PAPPA: variants seen among roughly 807,000 people sequenced by gnomAD.
PAPPA encodes the protein pappalysin 1, also known as pappalysin-1.
In PAPPA, 60 loss-of-function variants were observed where a neutral mutation model predicts 164.0. The ratio of observed to expected loss-of-function variants is 0.37; its 90% CI spans 0.30 to 0.45. The LOEUF (loss-of-function observed/expected upper bound fraction) is 0.45. Ranked by LOEUF, PAPPA falls within the 20% of genes least tolerant of loss-of-function variation. PAPPA has a pLI of 1.00. For synonymous variants in PAPPA, 875 were observed against 814.1 expected (o/e 1.07, Z -1.27); for missense variants, 1,782 against 2,087.3 (o/e 0.85, Z 2.85).
intron 21 of PAPPA, among the ~76,000 whole-genome samples, chr9:116,383,147 A>C (rs367727835): frequency 9.8e-5 from 15 of 152,302 alleles, no homozygotes; most frequent in African/African-American, 3.4e-4. Flanking sequence ...CATTCGATAG[A>C]TGCACATTAA....
At chr9:116,350,037 C>A (rs1362081676) in intron 15 of PAPPA, among the ~76,000 whole-genome samples, 2 of 152,164 alleles carry the variant, frequency 1.3e-5, no homozygotes, top group East Asian at 1.9e-4. Flanking sequence ...GGAGAACATG[C>A]CTCCGAGTTA....
chr9:116,229,393 C>A (rs896799480), intron 6 of PAPPA, among the ~76,000 whole-genome samples: 3 of 152,202 alleles, frequency 2.0e-5, no homozygotes, highest in African/African-American at 7.2e-5. Context: ...AGACACATGA[C>A]ATGTGATGTC....
chr9:116,401,279 G>A lies in PAPPA; in HGVS notation c.*4663G>A. 6.6e-6 allele frequency: 1 copy of A among 152,458 alleles called. No individual in the cohort carries two copies. The highest frequency in any genetic ancestry group is 1.9e-4 in the East Asian group (1 of 5,192). The allele number at this position is 152,458 out of a possible 1,614,324, so 9.4% of individuals were successfully genotyped here. On this transcript the variant is annotated 3_prime_UTR_variant, in exon 22 of 22. Transcript: ENST00000328252. ...AACTGTCGTCTACTTAAGACTTCTG[G>A]TCATTTCCAACTTATAGAGGAAGGG...
chr9:116,235,342 G>A lies in PAPPA; in HGVS notation c.2437G>A (p.Val813Ile). ...CACTGACTGGGACTCTAGTGGAGCT[G>A]TCAATGACATCAAACTGTTGGCTGT... ...VSTDWDSSGAVNDIKLLAVSG... is the reference protein window; with the variant it reads ...VSTDWDSSGAINDIKLLAVSG... Residue 813 changes from valine (V) to isoleucine (I), a missense_variant, in exon 7 of 22, where the codon GTC (valine) becomes ATC (isoleucine). Around this residue, in one of 2 missense-constraint regions of PAPPA, gnomAD observed 1,324 missense variants for 1,656.9 expected, o/e 0.80. Transcript: ENST00000328252. 6.2e-7 allele frequency: 1 copy of A among 1,614,060 alleles called. No individual in the cohort carries two copies. The highest frequency in any genetic ancestry group is 8.5e-7 in the Non-Finnish European group (1 of 1,179,968).
chr9:116,335,980 GAATT>G (rs1411809077), intron 13 of PAPPA, among the ~76,000 whole-genome samples: 7 of 152,162 alleles, frequency 4.6e-5, no homozygotes, highest in Non-Finnish European at 1.0e-4. Flanking sequence ...TCTGTGCACA[GAATT>G]TTTTGTAAAG....
At chr9:116,181,540 A>G (rs1843905168) in intron 1 of PAPPA, among the ~76,000 whole-genome samples, 1 of 152,252 alleles carries the variant, frequency 6.6e-6, no homozygotes, top group African/African-American at 2.4e-5. Flanking sequence ...CTCCAAATAC[A>G]GTTAAATTCC....
chr9:116,168,169 C>T (rs898316103), intron 1 of PAPPA, among the ~76,000 whole-genome samples: 2 of 152,098 alleles, frequency 1.3e-5, no homozygotes, highest in African/African-American at 4.8e-5. Context: ...AATCTGCTGT[C>T]CTAGACATTC....
chr9:116,201,500 G>A (rs529108571), intron 2 of PAPPA, among the ~76,000 whole-genome samples: 1 of 152,282 alleles, frequency 6.6e-6, no homozygotes, highest in Non-Finnish European at 1.5e-5. Flanking sequence ...TTGGCTGGTG[G>A]AGCGGGAACC....
chr9:116,173,716 A>G (rs1843799495), intron 1 of PAPPA, among the ~76,000 whole-genome samples: 1 of 152,168 alleles, frequency 6.6e-6, no homozygotes, highest in Admixed American at 6.5e-5. Context: ...TGTGCTAGAA[A>G]GTCTTTGACC....
chr9:116,258,525 G>A (rs537492438), intron 7 of PAPPA, among the ~76,000 whole-genome samples: 31 of 151,702 alleles, frequency 2.0e-4, no homozygotes, highest in Admixed American at 1.5e-3. Context: ...GCGTGGTGGC[G>A]CATGCCTGTA....
chr9:116,366,500 C>T (rs113411427), intron 18 of PAPPA, among the ~76,000 whole-genome samples: 2,937 of 152,266 alleles, frequency 0.019, 42 homozygotes, highest in Admixed American at 0.03. Context: ...TTCCTTCATA[C>T]GACACCTAAA....
At position 116,204,099 on chromosome 9, in the gene PAPPA, G is replaced by A. The variant is rs138853803; in HGVS notation, c.1479-3357G>A. Among the ~76,000 whole-genome samples, 101 of 152,260 alleles carry A rather than the reference G, an allele frequency of 6.6e-4. 1 individual carries two copies. Among genetic ancestry groups the A allele is most frequent in the African/African-American group, 2.2e-3 (93 of 41,574 alleles). ...GGATATGGGGGGCTCACATTTTCTAGTTATGTGCTGGGACTGTGCTGAGCT... is the reference window on the plus strand; with the variant it reads ...GGATATGGGGGGCTCACATTTTCTAATTATGTGCTGGGACTGTGCTGAGCT... On this transcript the variant is annotated intron_variant, in intron 2 of 21. Coordinates refer to ENST00000328252, the MANE Select transcript of PAPPA (RefSeq NM_002581.5).
intron 9 of PAPPA, among the ~76,000 whole-genome samples, chr9:116,283,660 C>T (rs1381546760): frequency 6.6e-6 from 1 of 152,156 alleles, no homozygotes; most frequent in Non-Finnish European, 1.5e-5. Flanking sequence ...CAGTCAGAAA[C>T]CCAGCCCAAA....
At chr9:116,193,924 A>G (rs1844073563) in intron 2 of PAPPA, among the ~76,000 whole-genome samples, 1 of 152,234 alleles carries the variant, frequency 6.6e-6, no homozygotes. Context: ...GAAAGGTTTA[A>G]TGATGGAGAA....
rs142290213 is a variant in PAPPA at position 116,333,236 on chromosome 9, C to T, written c.3397+768C>T. ...GAGCAATCTTCCTGTCCTCACAGCA[C>T]ATCACTTAGAGGCTCACTTGCTTCA... On this transcript the variant is annotated intron_variant, in intron 12 of 21. Transcript: ENST00000328252. Among the ~76,000 whole-genome samples, 22 of 152,350 alleles carry T rather than the reference C, an allele frequency of 1.4e-4. No individual in the cohort carries two copies. The East Asian group carries it at 4.2e-3, about 29-fold the overall frequency.
intron 9 of PAPPA, among the ~76,000 whole-genome samples, chr9:116,281,885 G>A (rs1263885758): frequency 1.3e-5 from 2 of 152,162 alleles, no homozygotes; most frequent in Admixed American, 6.5e-5. Flanking sequence ...CGGGAAGGTA[G>A]GGGCCATTAT....
chr9:116,154,248 C>A lies in PAPPA; in HGVS notation c.76C>A (p.Arg26Ser), dbSNP rs1669538458. Residue 26 changes from arginine (R) to serine (S), a missense_variant, in exon 1 of 22, where the codon CGC becomes AGC. Physicochemically the swap from Arg to Ser is moderately radical, Grantham distance 110. Transcript: ENST00000328252. This position sits in a 1 kb window ranked among gnomAD's most constrained non-coding sequence, Gnocchi z 5.2. ...GGGCTGCGGGCTGGCCGAGCGTCCC[C>A]GCCGGGCCCGGAGAGACCCGCGGGC... is the stretch of plus-strand genomic sequence containing the variant. ...ALGCGLAERP[R>S]RARRDPRAGR... The A allele has an allele frequency of 8.7e-6, 12 of 1,380,300 alleles. No homozygotes were observed. Among genetic ancestry groups the A allele is most frequent in the Non-Finnish European group, 1.1e-5 (12 of 1,058,134 alleles). The allele number at this position is 1,380,300 out of a possible 1,614,324, so 85.5% of individuals were successfully genotyped here.
chr9:116,240,020 A>G (rs1844717468), intron 7 of PAPPA, among the ~76,000 whole-genome samples: 1 of 152,164 alleles, frequency 6.6e-6, no homozygotes. Context: ...GTGCTTCTAC[A>G]CTGAGCACTG....
In PAPPA at chr9:116,235,206, C is replaced by A; in HGVS notation, c.2301C>A (p.Asn767Lys). The A allele has an allele frequency of 6.2e-7, 1 of 1,614,158 alleles. No homozygotes were observed. The highest frequency in any genetic ancestry group is 8.5e-7 in the Non-Finnish European group (1 of 1,180,000). The change falls in exon 7 of 22, where the codon AAC becomes AAA. Residue 767 changes from asparagine to lysine, a missense_variant. Asn to Lys is a moderately conservative substitution (Grantham distance 94, BLOSUM62 0). Coordinates refer to ENST00000328252, the MANE Select transcript of PAPPA (RefSeq NM_002581.5). The part of the protein sequence containing the change: ...VRTWSPNSAV[N>K]PHTVPPACPE... ...CCTGGAGCCCAAATTCAGCTGTCAA[C>A]CCACACACGGTTCCTCCAGCCTGCC...
Sources: gnomAD v4.1 joint callset for allele counts (sites outside exome capture counted in the v4.1 genomes callset) on GRCh38, gnomAD v4.1.1 for gene constraint, gnomAD v4.1.1 regional missense constraint, Gnocchi (gnomAD v3.1) non-coding constraint, MANE v1.5 for transcripts, NCBI Gene and HGNC (gene_info 2026-07-23, HGNC 2026-07-21) for gene names.